Variants in PARD3B observed in about 807,000 individuals in gnomAD.
PARD3B encodes partitioning defective 3 homolog B.
A neutral mutation model predicts 130.2 loss-of-function variants in PARD3B; 103 were observed. The ratio of observed to expected loss-of-function variants is 0.79; its 90% CI spans 0.67 to 0.93. The LOEUF is 0.93. Ranked by LOEUF, PARD3B falls within the 40% of genes least tolerant of loss-of-function variation. PARD3B has a pLI of 0.00. For synonymous variants in PARD3B, 583 were observed against 553.2 expected (o/e 1.05, Z -0.76); for missense variants, 1,609 against 1,499.2 (o/e 1.07, Z -1.21).
chr2:205,365,544 C>G (rs2044574244), intron 18 of PARD3B, among the ~76,000 whole-genome samples: 1 of 38,804 alleles, frequency 2.6e-5, no homozygotes, highest in Admixed American at 3.6e-4. Flanking sequence ...ATCCACCCAA[C>G]CTTCCTTTTT....
intron 1 of PARD3B, among the ~76,000 whole-genome samples, chr2:204,574,915 C>T (rs376876344): frequency 1.3e-5 from 2 of 152,274 alleles, no homozygotes. Flanking sequence ...TACTAAATTT[C>T]CTTAGTTAAT....
At chr2:204,752,264 A>T (rs557601276) in intron 2 of PARD3B, among the ~76,000 whole-genome samples, 2 of 152,132 alleles carry the variant, frequency 1.3e-5, no homozygotes, top group Non-Finnish European at 2.9e-5. Context: ...TTATGTCTTT[A>T]TGATTCCATT....
chr2:205,293,841 T>C (rs2041695665), intron 16 of PARD3B: 3 of 152,284 alleles, frequency 2.0e-5, no homozygotes, highest in East Asian at 1.9e-4. Context: ...ATGTTCCTTT[T>C]TTCCTACAAC....
intron 18 of PARD3B, among the ~76,000 whole-genome samples, chr2:205,385,087 C>T (rs1054633278): frequency 2.0e-5 from 3 of 152,028 alleles, no homozygotes; most frequent in African/African-American, 7.2e-5. Flanking sequence ...TCTTAGTCTA[C>T]TGATACAATA....
At chr2:205,346,400 G>T (rs2043792718) in intron 18 of PARD3B, among the ~76,000 whole-genome samples, 1 of 151,896 alleles carries the variant, frequency 6.6e-6, no homozygotes, top group South Asian at 2.1e-4. Flanking sequence ...GTGTTATTTA[G>T]TATTGTGATT....
chr2:205,238,217 C>T (rs1465168342), intron 15 of PARD3B, among the ~76,000 whole-genome samples: 5 of 152,088 alleles, frequency 3.3e-5, no homozygotes, highest in East Asian at 3.9e-4. Context: ...GAAACAGACC[C>T]GTGCACAAAT....
intron 1 of PARD3B, among the ~76,000 whole-genome samples, chr2:204,578,823 G>A (rs1207663745): frequency 2.6e-5 from 4 of 152,154 alleles, no homozygotes; most frequent in African/African-American, 7.2e-5. Flanking sequence ...ACTATGGGAA[G>A]TTTTGGGATG....
intron 1 of PARD3B, among the ~76,000 whole-genome samples, chr2:204,615,609 G>T (rs891307538): frequency 5.9e-5 from 9 of 152,064 alleles, no homozygotes; most frequent in Non-Finnish European, 1.3e-4. Context: ...ATTTTACGTT[G>T]GCAATGAGCA....
chr2:204,896,629 A>G (rs2046651275), intron 2 of PARD3B, among the ~76,000 whole-genome samples: 1 of 152,234 alleles, frequency 6.6e-6, no homozygotes, highest in Non-Finnish European at 1.5e-5. Context: ...AATGTTAGCA[A>G]TTAAAATCAT....
chr2:205,575,103 ACACACACACACG>A lies in PARD3B; in HGVS notation c.3260+21702_3260+21713del, dbSNP rs1425313497. Among the ~76,000 whole-genome samples, 4 of 136,338 alleles carry A rather than the reference ACACACACACACG, an allele frequency of 2.9e-5. No homozygotes were observed. The East Asian group carries it at 6.6e-4, about 23-fold the overall frequency. The allele number at this position is 136,338 out of a possible 152,430, so 89.4% of individuals were successfully genotyped here. ...TAAATAGACACACACACACACACAC[ACACACACACACG>A]CGTACACTATATATAAAAATATATT... On this transcript the variant is annotated intron_variant, in intron 22 of 22. Transcript: ENST00000406610. This position sits in a 1 kb window ranked among gnomAD's most constrained non-coding sequence, Gnocchi z 4.6.
chr2:205,549,596 A>C (rs2052528118), intron 21 of PARD3B, among the ~76,000 whole-genome samples: 1 of 152,200 alleles, frequency 6.6e-6, no homozygotes. Context: ...CTATGAAAAG[A>C]GTAAAAAGAT....
intron 18 of PARD3B, among the ~76,000 whole-genome samples, chr2:205,311,474 G>C (rs999545505): frequency 5.3e-5 from 8 of 152,102 alleles, no homozygotes; most frequent in African/African-American, 1.9e-4. Context: ...CTTCTTTTAA[G>C]GAATGATAGA....
chr2:205,053,971 T>C (rs1202000459), intron 4 of PARD3B, among the ~76,000 whole-genome samples: 1 of 152,158 alleles, frequency 6.6e-6, no homozygotes, highest in African/African-American at 2.4e-5. Flanking sequence ...GTTCACGCTG[T>C]GTGCTGATAA....
At chr2:204,968,717 C>T (rs1211926459) in intron 3 of PARD3B, among the ~76,000 whole-genome samples, 1 of 152,134 alleles carries the variant, frequency 6.6e-6, no homozygotes, top group East Asian at 1.9e-4. Flanking sequence ...AAGCCTTGTC[C>T]AAATCTTTAA....
intron 2 of PARD3B, among the ~76,000 whole-genome samples, chr2:204,844,604 T>C (rs2044390227): frequency 6.6e-6 from 1 of 152,080 alleles, no homozygotes; most frequent in Non-Finnish European, 1.5e-5. Flanking sequence ...GGCTGGGTGT[T>C]ATATATTTTT....
chr2:205,501,148 G>C (rs1203833956), intron 21 of PARD3B, among the ~76,000 whole-genome samples: 1 of 152,112 alleles, frequency 6.6e-6, no homozygotes, highest in Admixed American at 6.6e-5. Context: ...GTGAAAATCA[G>C]TTTCAGGATC....
chr2:205,520,966 G>A (rs2051020571), intron 21 of PARD3B, among the ~76,000 whole-genome samples: 2 of 150,738 alleles, frequency 1.3e-5, no homozygotes, highest in Admixed American at 6.6e-5. Context: ...ATAAGCATTT[G>A]TATTATTAGT....
At chr2:204,974,841 C>T (rs1575456848) in intron 3 of PARD3B, among the ~76,000 whole-genome samples, 2 of 152,172 alleles carry the variant, frequency 1.3e-5, no homozygotes, top group Non-Finnish European at 2.9e-5. Context: ...GCATGCCTGT[C>T]ACTCCCTTCA....
intron 16 of PARD3B, among the ~76,000 whole-genome samples, chr2:205,299,384 T>C (rs934126521): frequency 6.6e-6 from 1 of 152,098 alleles, no homozygotes; most frequent in Non-Finnish European, 1.5e-5. Flanking sequence ...CTCTTGTCTA[T>C]TGATAAATGA....
Sources: allele counts gnomAD v4.1 joint callset (sites outside exome capture counted in the v4.1 genomes callset), GRCh38; gene constraint gnomAD v4.1.1; non-coding constraint Gnocchi (gnomAD v3.1); transcripts MANE v1.5; gene names NCBI Gene and HGNC (gene_info 2026-07-23, HGNC 2026-07-21).